The following SIPA1L2 variants were observed in gnomAD, a reference collection of about 807,000 sequenced individuals.
SIPA1L2 encodes the protein signal induced proliferation associated 1 like 2, also known as signal-induced proliferation-associated 1-like protein 2.
SIPA1L2 carries 56 observed loss-of-function variants against 163.9 expected under a neutral mutation model. The observed-to-expected ratio is 0.34, with a 90% CI of 0.28 to 0.43. The LOEUF is 0.43. Among genes scored for constraint, SIPA1L2 ranks in the 20% least tolerant of loss-of-function variants. SIPA1L2 has a pLI of 1.00. For synonymous variants in SIPA1L2, 877 were observed against 865.7 expected (o/e 1.01, Z -0.23); for missense variants, 1,974 against 2,193.5 (o/e 0.90, Z 2.00).
intron 1 of SIPA1L2, among the ~76,000 whole-genome samples, chr1:232,598,651 A>C (rs1362641304): frequency 6.6e-6 from 1 of 152,146 alleles, no homozygotes; most frequent in Non-Finnish European, 1.5e-5. Flanking sequence ...GTGAGAGCCC[A>C]CTTCTCTGAT....
At chr1:232,508,200 T>C (rs928339121) in intron 3 of SIPA1L2, among the ~76,000 whole-genome samples, 4 of 152,138 alleles carry the variant, frequency 2.6e-5, no homozygotes, top group African/African-American at 9.7e-5. Context: ...TTTAGCCACT[T>C]TTCACTTCAC....
intron 9 of SIPA1L2, among the ~76,000 whole-genome samples, chr1:232,463,151 CCCT>C (rs1664329323): frequency 6.6e-6 from 1 of 152,204 alleles, no homozygotes; most frequent in Non-Finnish European, 1.5e-5. Flanking sequence ...GAGAGCGGGT[CCCT>C]GTGCAACTGC....
In SIPA1L2 at chr1:232,443,699, T is replaced by A. The variant is rs754024215; in HGVS notation, c.3354-14A>T. On this transcript the variant is annotated splice_polypyrimidine_tract_variant and intron_variant, in intron 11 of 22. Coordinates refer to ENST00000674635, the MANE Select transcript of SIPA1L2 (RefSeq NM_020808.5). ...CTGGGTGAGCTTCTGAAAGGTTGAG[T>A]AGAATCATTAACAGGGCACTGAACT... The A allele has an allele frequency of 6.2e-7, 1 of 1,604,330 alleles. No individual in the cohort carries two copies. Among genetic ancestry groups the A allele is most frequent in the East Asian group, 2.3e-5 (1 of 44,156 alleles).
intron 15 of SIPA1L2, among the ~76,000 whole-genome samples, chr1:232,434,639 T>G (rs1329385301): frequency 6.6e-6 from 1 of 152,120 alleles, no homozygotes; most frequent in Non-Finnish European, 1.5e-5. Flanking sequence ...TTCACTGGGG[T>G]GCACGCCAGT....
At chr1:232,550,326 C>G in intron 2 of SIPA1L2, among the ~76,000 whole-genome samples, 1 of 152,138 alleles carries the variant, frequency 6.6e-6, no homozygotes, top group East Asian at 1.9e-4. Context: ...TATGAACGTT[C>G]TTATCCAGCC....
Position 232,515,386 on chromosome 1 carries a change from A to C in SIPA1L2, c.-47T>G, listed in dbSNP as rs769919502. The C allele has an allele frequency of 1.1e-5, 16 of 1,517,022 alleles. No homozygotes were observed. The South Asian group carries it at 2.1e-4, about 20-fold the overall frequency. The allele number at this position is 1,517,022 out of a possible 1,614,324, so 94.0% of individuals were successfully genotyped here. Reference sequence around the variant, plus strand: ...AAGTCTCACCAGGAAGACTGATGTAAATCTAATTACATTGCTACCGACCAC... The same window carrying C: ...AAGTCTCACCAGGAAGACTGATGTACATCTAATTACATTGCTACCGACCAC... On this transcript the variant is annotated 5_prime_UTR_variant, in exon 3 of 23. In the 5' UTR this introduces an upstream ATG that the reference lacks. Transcript: ENST00000674635.
intron 17 of SIPA1L2, 125 bp downstream of exon 17, chr1:232,428,286 G>T: frequency 1.3e-6 from 1 of 768,254 alleles, no homozygotes; most frequent in Non-Finnish European, 1.9e-6. Flanking sequence ...GCAGTGAGTT[G>T]TTGGTAGGGT....
intron 2 of SIPA1L2, among the ~76,000 whole-genome samples, chr1:232,532,434 T>C (rs756353990): frequency 2.6e-5 from 4 of 152,202 alleles, no homozygotes; most frequent in Non-Finnish European, 5.9e-5. Context: ...ACTTGATAAA[T>C]ACTAACAGTA....
chr1:232,576,831 C>G (rs918867611), intron 1 of SIPA1L2, among the ~76,000 whole-genome samples: 13 of 152,050 alleles, frequency 8.5e-5, no homozygotes, highest in Admixed American at 5.2e-4. Flanking sequence ...GAAGATGAAA[C>G]CAGCCACATT....
intron 21 of SIPA1L2, among the ~76,000 whole-genome samples, chr1:232,403,143 G>A (rs537659628): frequency 6.6e-6 from 1 of 152,196 alleles, no homozygotes; most frequent in Admixed American, 6.5e-5. Flanking sequence ...AGCAGCAGAC[G>A]CTGACCTTGA....
chr1:232,526,955 C>T (rs1031093664), intron 2 of SIPA1L2, among the ~76,000 whole-genome samples: 7 of 152,288 alleles, frequency 4.6e-5, no homozygotes, highest in South Asian at 4.1e-4. Flanking sequence ...CTTCCCATAC[C>T]GCCGTCTTCT....
Position 232,479,548 on chromosome 1 carries a change from T to C in SIPA1L2, c.2085+79A>G, listed in dbSNP as rs1665217173. On this transcript the variant is annotated intron_variant, in intron 7 of 22. Coordinates refer to ENST00000674635, the MANE Select transcript of SIPA1L2 (RefSeq NM_020808.5). ...ACCCTCACTGATTCTTTGCAAGTTC[T>C]ACATGCATCAATATCATCAGTGGGC... is the stretch of plus-strand genomic sequence containing the variant. 3.7e-6 allele frequency: 4 copies of C among 1,089,028 alleles called. No homozygotes were observed. The South Asian group carries it at 5.0e-5, about 14-fold the overall frequency. 67.5% of individuals were successfully genotyped at this position (1,089,028 alleles called of 1,614,324 possible). A position where few individuals can be genotyped will look rare whatever the true frequency, so the allele number is the denominator to read the frequency against.
At chr1:232,549,942 T>TAC (rs1225129262) in intron 2 of SIPA1L2, among the ~76,000 whole-genome samples, 1 of 152,214 alleles carries the variant, frequency 6.6e-6, no homozygotes, top group Non-Finnish European at 1.5e-5. Context: ...TCTTAATACA[T>TAC]ACAGTGTGAT....
chr1:232,486,788 C>T (rs1238652245), intron 5 of SIPA1L2, among the ~76,000 whole-genome samples: 1 of 152,140 alleles, frequency 6.6e-6, no homozygotes, highest in African/African-American at 2.4e-5. Flanking sequence ...TTTCAGAAAC[C>T]TGGAAAACAA....
At chr1:232,577,208 G>A (rs907003047) in intron 1 of SIPA1L2, among the ~76,000 whole-genome samples, 7 of 152,234 alleles carry the variant, frequency 4.6e-5, no homozygotes, top group Non-Finnish European at 8.8e-5. Flanking sequence ...TACTCTGCCC[G>A]TGCTCTATCA....
chr1:232,443,809 T>C, intron 11 of SIPA1L2, 124 bp from the exon 12 acceptor site: 2 of 690,010 alleles, frequency 2.9e-6, no homozygotes, highest in South Asian at 2.4e-5. Flanking sequence ...GAAAAACATA[T>C]TGCCATGTGA....
chr1:232,481,900 G>C (rs1284819001), intron 6 of SIPA1L2, among the ~76,000 whole-genome samples: 1 of 152,178 alleles, frequency 6.6e-6, no homozygotes, highest in Non-Finnish European at 1.5e-5. Flanking sequence ...TTTGACCTAA[G>C]TCTTCTAACC....
Position 232,537,471 on chromosome 1 carries a change from T to C in SIPA1L2, c.-269-21863A>G, listed in dbSNP as rs186370230. ...CTTTATAGTGCCCACATTAAAAATA[T>C]ACTAAAATTCAAAAGATAAAAAAAA... is the stretch of plus-strand genomic sequence containing the variant. On this transcript the variant is annotated intron_variant, in intron 2 of 22. Transcript: ENST00000674635. 8.5e-4 allele frequency among the ~76,000 whole-genome samples: 129 copies of C among 152,050 alleles called. No individual in the cohort carries two copies. The East Asian group carries it at 9.3e-3, about 11-fold the overall frequency.
In SIPA1L2 at chr1:232,515,214, A is replaced by G. The variant is rs1012655806; in HGVS notation, c.126T>C (p.Asn42=). 3.1e-6 allele frequency: 5 copies of G among 1,614,042 alleles called. No homozygotes were observed. The highest frequency in any genetic ancestry group is 3.3e-5 in the Admixed American group (2 of 60,004). ...DYFARKFKAI[N]GNMGPTTSLN... is the part of the protein sequence containing the mutation. ...AAGAAGTAGTGGGTCCCATGTTGCC[A>G]TTAATGGCTTTAAATTTCCGAGCAA... The change falls in exon 3 of 23, where the codon AAT becomes AAC. Residue 42 remains asparagine, a synonymous_variant. Transcript: ENST00000674635.
Sources: gnomAD v4.1 joint callset for allele counts (sites outside exome capture counted in the v4.1 genomes callset) on GRCh38, gnomAD v4.1.1 for gene constraint, MANE v1.5 for transcripts, NCBI Gene and HGNC (gene_info 2026-07-23, HGNC 2026-07-21) for gene names.